TNFSF4: variants seen among roughly 807,000 people sequenced by gnomAD.
The protein encoded by TNFSF4 is tumor necrosis factor ligand superfamily member 4.
In TNFSF4, 4 loss-of-function variants were observed where a neutral mutation model predicts 7.3. That is an observed-to-expected ratio of 0.55 (90% CI 0.27 to 1.25). The LOEUF is 1.25. Among genes scored for constraint, TNFSF4 ranks in the 50% most tolerant of loss-of-function variants. The probability of loss-of-function intolerance (pLI) is 0.12; values close to 1 mark genes in which losing one functional copy is unlikely to be tolerated. For synonymous variants in TNFSF4, 76 were observed against 83.7 expected, an observed-to-expected ratio of 0.91 and a Z score of 0.50; for missense variants, 181 against 208.8, an observed-to-expected ratio of 0.87 and a Z score of 0.82.
At chr1:173,343,796 T>G in the TNFSF4 span, among the ~76,000 whole-genome samples, 1 of 152,100 alleles carries the variant, frequency 6.6e-6, no homozygotes, top group Non-Finnish European at 1.5e-5. Context: ...GATGGGTGGA[T>G]GCATGGATAA....
At chr1:173,412,615 A>T in the TNFSF4 span, among the ~76,000 whole-genome samples, 15 of 152,378 alleles carry the variant, frequency 9.8e-5, 1 homozygote, top group South Asian at 3.1e-3. Context: ...TATCCAAAAT[A>T]AAGAACTGCT....
chr1:173,299,111 G>A, the TNFSF4 span, among the ~76,000 whole-genome samples: 3 of 151,896 alleles, frequency 2.0e-5, no homozygotes, highest in Non-Finnish European at 4.4e-5. Flanking sequence ...ATATTGTAGT[G>A]GATGCTGTGG....
the TNFSF4 span, among the ~76,000 whole-genome samples, chr1:173,242,351 C>T: frequency 4.6e-5 from 7 of 152,134 alleles, no homozygotes; most frequent in African/African-American, 7.2e-5. Context: ...TAGAGACTCC[C>T]TTCTTTAGGC....
chr1:173,202,428 G>A (rs1649987249), intron 1 of TNFSF4, among the ~76,000 whole-genome samples: 2 of 152,248 alleles, frequency 1.3e-5, no homozygotes, highest in African/African-American at 4.8e-5. Flanking sequence ...AGCTGCCCCT[G>A]ATATTGTTCA....
At chr1:173,317,197 C>G in the TNFSF4 span, among the ~76,000 whole-genome samples, 1 of 152,196 alleles carries the variant, frequency 6.6e-6, no homozygotes, top group Non-Finnish European at 1.5e-5. Flanking sequence ...TGAGCCTAGA[C>G]TTTAGCCATC....
At chr1:173,359,146 T>A in the TNFSF4 span, among the ~76,000 whole-genome samples, 1 of 152,220 alleles carries the variant, frequency 6.6e-6, no homozygotes, top group Non-Finnish European at 1.5e-5. Context: ...TCATACGTAA[T>A]AATGTATTAT....
chr1:173,178,759 C>A (rs185301402), downstream of TNFSF4, among the ~76,000 whole-genome samples: 1 of 152,122 alleles, frequency 6.6e-6, no homozygotes, highest in Non-Finnish European at 1.5e-5. Context: ...ATGCCTGAAG[C>A]CTGTGAATGT....
intron 2 of TNFSF4, among the ~76,000 whole-genome samples, chr1:173,187,808 T>A (rs142055826): frequency 6.6e-6 from 1 of 152,300 alleles, no homozygotes; most frequent in East Asian, 1.9e-4. Flanking sequence ...TCATCCTGAA[T>A]AGCCAAGTAA....
chr1:173,174,943 T>C, the TNFSF4 span: 3 of 152,254 alleles, frequency 2.0e-5, no homozygotes, highest in Admixed American at 2.0e-4. Context: ...ATACCACTTA[T>C]CTTAATCATC....
chr1:173,362,935 A>G, the TNFSF4 span: 1 of 436,764 alleles, frequency 2.3e-6, no homozygotes, highest in South Asian at 2.0e-5. Context: ...GCACCAAAAT[A>G]GTTCCTAGAA....
chr1:173,389,903 T>TA, the TNFSF4 span, among the ~76,000 whole-genome samples: 1 of 152,224 alleles, frequency 6.6e-6, no homozygotes, highest in African/African-American at 2.4e-5. Flanking sequence ...TCTCTTTTTT[T>TA]ATTCCTTCAT....
chr1:173,349,852 C>T, the TNFSF4 span, among the ~76,000 whole-genome samples: 1 of 152,104 alleles, frequency 6.6e-6, no homozygotes, highest in East Asian at 1.9e-4. Context: ...CCAGTTATAC[C>T]TATTGGTATA....
chr1:173,237,366 C>A, the TNFSF4 span, among the ~76,000 whole-genome samples: 4 of 152,096 alleles, frequency 2.6e-5, no homozygotes, highest in Non-Finnish European at 1.5e-5. Context: ...TAAAATTCAA[C>A]GTCCAAGGAA....
upstream of TNFSF4, among the ~76,000 whole-genome samples, chr1:173,211,311 C>T (rs1434919963): frequency 1.3e-5 from 2 of 152,204 alleles, no homozygotes; most frequent in South Asian, 4.1e-4. Context: ...CAACCTATTC[C>T]TGATCCTAAT....
chr1:173,350,807 G>T, the TNFSF4 span, among the ~76,000 whole-genome samples: 1 of 152,148 alleles, frequency 6.6e-6, no homozygotes, highest in Non-Finnish European at 1.5e-5. Context: ...AATAACACAC[G>T]TTACTTCTAC....
At chr1:173,378,418 G>A in the TNFSF4 span, among the ~76,000 whole-genome samples, 358 of 152,294 alleles carry the variant, frequency 2.4e-3, 5 homozygotes, top group Middle Eastern at 0.01. Flanking sequence ...CCAAAACCAC[G>A]GGCGGTTTGT....
At chr1:173,388,875 T>C in the TNFSF4 span, among the ~76,000 whole-genome samples, 7 of 152,212 alleles carry the variant, frequency 4.6e-5, no homozygotes, top group Non-Finnish European at 7.3e-5. Context: ...GCCTCTTTAG[T>C]GACTCTTAAG....
At chr1:173,205,546 T>C (rs1187189876) in intron 1 of TNFSF4, 7 of 1,319,058 alleles carry the variant, frequency 5.3e-6, no homozygotes, top group Non-Finnish European at 5.8e-6. Flanking sequence ...TGGAGCCATG[T>C]GTCCTGTGTT....
At chr1:173,232,203 C>T in the TNFSF4 span, among the ~76,000 whole-genome samples, 12 of 151,696 alleles carry the variant, frequency 7.9e-5, no homozygotes, top group African/African-American at 2.7e-4. Flanking sequence ...AAGTTGGATT[C>T]CTAGGTATTT....
Sources: gnomAD v4.1 joint callset for allele counts (sites outside exome capture counted in the v4.1 genomes callset) on GRCh38, gnomAD v4.1.1 for gene constraint, MANE v1.5 for transcripts, NCBI Gene and HGNC (gene_info 2026-07-23, HGNC 2026-07-21) for gene names.